Variants in MXRA8 observed in about 807,000 individuals in gnomAD.
The protein encoded by MXRA8 is matrix remodeling-associated protein 8.
MXRA8 carries 44 observed loss-of-function variants against 51.4 expected under a neutral mutation model. The ratio of observed to expected loss-of-function variants is 0.86; its 90% CI spans 0.67 to 1.10. The LOEUF is 1.10. Among genes scored for constraint, MXRA8 ranks in the 50% least tolerant of loss-of-function variants. The pLI is 0.00. For synonymous variants in MXRA8, 369 were observed against 293.5 expected (o/e 1.26, Z -2.63); for missense variants, 765 against 638.9 (o/e 1.20, Z -2.13).
In MXRA8 at chr1:1,354,015, C is replaced by T. The variant is rs1183745870; in HGVS notation, c.1222+15G>A. 1.2e-6 allele frequency: 2 copies of T among 1,612,610 alleles called. No homozygotes were observed. The highest frequency in any genetic ancestry group is 2.2e-5 in the East Asian group (1 of 44,880). ...GGAGCCGCGCCTGTGCCCTCGTGTC[C>T]CAGCACTGCCTCACCTAGCTGGATG... On this transcript the variant is annotated intron_variant, in intron 8 of 9. Transcript: ENST00000309212.
chr1:1,355,500 T>G lies in MXRA8; in HGVS notation c.326A>C (p.Glu109Ala). 2 of 1,510,958 alleles carry G rather than the reference T, an allele frequency of 1.3e-6. No individual in the cohort carries two copies. The highest frequency in any genetic ancestry group is 1.8e-6 in the Non-Finnish European group (2 of 1,141,224). 93.6% of individuals were successfully genotyped at this position (1,510,958 alleles called of 1,614,324 possible). A position where few individuals can be genotyped will look rare whatever the true frequency, so the allele number is the denominator to read the frequency against. The part of the protein sequence containing the change: ...VYEARDRGRL[E>A]LSASAFDDGN... ...GTCGTCGAAGGCCGAGGCCGAGAGCTCCAGGCGGCCGCGGTCCCGCGCCTC... is the reference window on the plus strand; with the variant it reads ...GTCGTCGAAGGCCGAGGCCGAGAGCGCCAGGCGGCCGCGGTCCCGCGCCTC... Residue 109 changes from glutamate to alanine, a missense_variant, in exon 3 of 10, where the codon GAG (glutamate) becomes GCG (alanine). By Grantham distance (107) the Glu-to-Ala change is moderately radical. Transcript: ENST00000309212.
At chr1:1,358,414 C>T (rs755537308) in intron 1 of MXRA8, 42 bp downstream of exon 1, 113 of 1,578,222 alleles carry the variant, frequency 7.2e-5, no homozygotes, top group Non-Finnish European at 9.3e-5. Flanking sequence ...CGCACAGCCC[C>T]ACGTGCCACC....
Position 1,355,225 on chromosome 1 carries a change from G to A in MXRA8, c.478+19C>T, listed in dbSNP as rs745721314. On this transcript the variant is annotated intron_variant, in intron 4 of 9. Transcript: ENST00000309212. ...AGGGTCGAGGGGCGGGAGCTGGGGG[G>A]CGGGGGGGAAGCACTCACGGCCGTC... 6 of 1,529,786 alleles carry A rather than the reference G, an allele frequency of 3.9e-6. No homozygotes were observed. Among genetic ancestry groups the A allele is most frequent in the Admixed American group, 2.0e-5 (1 of 50,120 alleles). 94.8% of individuals were successfully genotyped at this position (1,529,786 alleles called of 1,614,324 possible). A position where few individuals can be genotyped will look rare whatever the true frequency, so the allele number is the denominator to read the frequency against.
intron 2 of MXRA8, among the ~76,000 whole-genome samples, chr1:1,356,335 C>T (rs1243200054): frequency 5.4e-5 from 5 of 92,284 alleles, no homozygotes; most frequent in African/African-American, 8.7e-5. Context: ...CCCGAGGGCC[C>T]TGGTGGGGAA....
chr1:1,359,131 C>G (rs903152694), upstream of MXRA8: 101 of 985,412 alleles, frequency 1.0e-4, no homozygotes, highest in Non-Finnish European at 1.2e-4. Flanking sequence ...CTGCCAGTCA[C>G]TAGTCCCCTT....
In MXRA8 at chr1:1,353,342, T is replaced by C. The variant is rs1249725846; in HGVS notation, c.*262A>G. On this transcript the variant is annotated 3_prime_UTR_variant, in exon 10 of 10. Transcript: ENST00000309212. ...CAGAGCCCAGAAGGGTCTGAGGGCA[T>C]GATGGGCATCAGTGGGATTTTGGTT... 1.3e-6 allele frequency: 2 copies of C among 1,548,844 alleles called. No homozygotes were observed. The highest frequency in any genetic ancestry group is 1.7e-6 in the Non-Finnish European group (2 of 1,146,236).
Position 1,353,479 on chromosome 1 carries a change from C to CCAAAT in MXRA8, c.*120_*124dup, listed in dbSNP as rs1644043939. 1 of 1,506,390 alleles carries CCAAAT rather than the reference C, an allele frequency of 6.6e-7. No individual in the cohort carries two copies. Among genetic ancestry groups the CCAAAT allele is most frequent in the African/African-American group, 1.4e-5 (1 of 71,422 alleles). The allele number at this position is 1,506,390 out of a possible 1,614,324, so 93.3% of individuals were successfully genotyped here. Reference sequence around the variant, plus strand: ...GAGGCGGCCTCTGCATACGCCCAGGCCAAATTCCAGGAAAGCGGGACCAGC... The same window carrying CCAAAT: ...GAGGCGGCCTCTGCATACGCCCAGGCCAAATCAAATTCCAGGAAAGCGGGACCAGC... On this transcript the variant is annotated 3_prime_UTR_variant, in exon 10 of 10. Transcript: ENST00000309212.
chr1:1,355,808 G>A, intron 2 of MXRA8, 56 bp from the exon 3 acceptor site: 1 of 943,736 alleles, frequency 1.1e-6, no homozygotes, highest in Non-Finnish European at 1.3e-6. Context: ...GGCCCTGGTT[G>A]GGGGAGTCAG....
chr1:1,357,034 G>T (rs1022358208), intron 1 of MXRA8, among the ~76,000 whole-genome samples: 25 of 152,146 alleles, frequency 1.6e-4, no homozygotes, highest in African/African-American at 5.6e-4. Flanking sequence ...AAGGAGGCTG[G>T]ATCTGTGGGT....
Position 1,354,415 on chromosome 1 carries a change from C to G in MXRA8, c.1044G>C (p.Thr348=). 1 of 1,612,314 alleles carries G rather than the reference C, an allele frequency of 6.2e-7. No homozygotes were observed. The highest frequency in any genetic ancestry group is 8.5e-7 in the Non-Finnish European group (1 of 1,179,834). ...FFQQLGYVLA[T]LLLFILLLVT... Reference sequence around the variant, plus strand: ...CCAGTAGCAGGATGAAGAGCAGCAGCGTGGCCAGCACGTAGCCCAGCTGCT... The same window carrying G: ...CCAGTAGCAGGATGAAGAGCAGCAGGGTGGCCAGCACGTAGCCCAGCTGCT... The change falls in exon 6 of 10, where the codon ACG becomes ACC. Residue 348 remains threonine (T), a synonymous_variant. Transcript: ENST00000309212.
At position 1,353,592 on chromosome 1, in the gene MXRA8, C is replaced by T. The variant is rs768275416; in HGVS notation, c.*12G>A. 25 of 1,559,962 alleles carry T rather than the reference C, an allele frequency of 1.6e-5. No homozygotes were observed. In the Admixed American group the frequency reaches 4.4e-4, roughly 28 times the overall value. ...GTGCAGCTGCTGGCCCAGCCAGGAG[C>T]CCAGGGCCTCCCTATTTGCAGTTCT... is the stretch of plus-strand genomic sequence containing the variant. On this transcript the variant is annotated 3_prime_UTR_variant, in exon 10 of 10. Coordinates refer to ENST00000309212, the MANE Select transcript of MXRA8 (RefSeq NM_032348.4).
rs1358481408 is a variant in MXRA8, at chr1:1,354,222, G to A, written c.1116C>T (p.Tyr372=). ...TTGACTTTCCCGACTTCTGGTCCGAGTATTCGTAGCCTGGGAAGGAGACTC... is the reference window on the plus strand; with the variant it reads ...TTGACTTTCCCGACTTCTGGTCCGAATATTCGTAGCCTGGGAAGGAGACTC... ...AARRRRGGYE[Y]SDQKSGKSKG... is the part of the protein sequence containing the mutation. Residue 372 remains tyrosine (Y), a synonymous_variant, in exon 7 of 10, where the codon TAC becomes TAT. Coordinates refer to ENST00000309212, the MANE Select transcript of MXRA8 (RefSeq NM_032348.4). 4 of 1,612,542 alleles carry A rather than the reference G, an allele frequency of 2.5e-6. No homozygotes were observed. The South Asian group carries it at 3.3e-5, about 13-fold the overall frequency.
intron 1 of MXRA8, 102 bp downstream of exon 1, chr1:1,358,354 C>T (rs1272174554): frequency 7.6e-7 from 1 of 1,321,282 alleles, no homozygotes; most frequent in African/African-American, 1.5e-5. Context: ...TGGGACCTTC[C>T]CACTCCTCCT....
chr1:1,361,641 C>T (rs1368854137), upstream of MXRA8: 2 of 340,444 alleles, frequency 5.9e-6, no homozygotes, highest in Middle Eastern at 9.3e-4. Flanking sequence ...GGGTTAGGCT[C>T]GAGGACAAAC....
chr1:1,354,666 G>T lies in MXRA8; in HGVS notation c.949+16C>A. The T allele has an allele frequency of 1.3e-6, 2 of 1,555,482 alleles. No individual in the cohort carries two copies. Among genetic ancestry groups the T allele is most frequent in the East Asian group, 2.4e-5 (1 of 42,440 alleles). ...TGGGCTCCCGCCTTCCCGGGTCCCA[G>T]GGAGGCCTCCTTCACCTGGGCCTGG... is the stretch of plus-strand genomic sequence containing the variant. On this transcript the variant is annotated intron_variant, in intron 5 of 9. Transcript: ENST00000309212.
intron 1 of MXRA8, among the ~76,000 whole-genome samples, chr1:1,357,857 A>G (rs937908854): frequency 3.9e-5 from 6 of 152,148 alleles, no homozygotes; most frequent in Non-Finnish European, 7.4e-5. Flanking sequence ...CCTGATCCCA[A>G]TAAAGGGTTG....
chr1:1,354,360 G>A lies in MXRA8; in HGVS notation c.1099C>T (p.Arg367Cys), dbSNP rs1247039417. The change falls in exon 6 of 10, where the codon CGC (arginine) becomes TGC (cysteine). Residue 367 changes from arginine (R) to cysteine (C), a missense_variant. Coordinates refer to ENST00000309212, the MANE Select transcript of MXRA8 (RefSeq NM_032348.4). ...VTVLLAARRR[R>C]GGYEYSDQKS... Reference sequence around the variant, plus strand: ...TTTGCCGGGGCAGCCTCACCTCCGCGGCGCCTGCGGGCGGCCAGGAGGACA... The same window carrying A: ...TTTGCCGGGGCAGCCTCACCTCCGCAGCGCCTGCGGGCGGCCAGGAGGACA... 8 of 1,610,512 alleles carry A rather than the reference G, an allele frequency of 5.0e-6. No homozygotes were observed. The highest frequency in any genetic ancestry group is 6.8e-6 in the Non-Finnish European group (8 of 1,179,060).
intron 1 of MXRA8, among the ~76,000 whole-genome samples, chr1:1,357,618 C>G (rs1427464377): frequency 6.6e-6 from 1 of 152,148 alleles, no homozygotes; most frequent in Admixed American, 6.5e-5. Context: ...ACCAGCCTGG[C>G]CAATATGAAA....
At chr1:1,359,070 C>A (rs1178282277), upstream of MXRA8, 3 of 985,342 alleles carry the variant, frequency 3.0e-6, no homozygotes, top group African/African-American at 5.2e-5. Context: ...ACCTTGGTAC[C>A]CGTCTCCTCT....
Sources: gnomAD v4.1 joint callset for allele counts (sites outside exome capture counted in the v4.1 genomes callset) on GRCh38, gnomAD v4.1.1 for gene constraint, MANE v1.5 for transcripts, NCBI Gene and HGNC (gene_info 2026-07-23, HGNC 2026-07-21) for gene names.